SPC25: variants seen among roughly 807,000 people sequenced by gnomAD.
SPC25 encodes the protein SPC25 component of NDC80 kinetochore complex, also known as kinetochore protein Spc25.
In SPC25, 22 loss-of-function variants were observed where a neutral mutation model predicts 29.6. That is an observed-to-expected ratio of 0.74 (90% CI 0.53 to 1.06). SPC25 has a LOEUF of 1.06. Ranked by LOEUF, SPC25 falls within the 50% of genes least tolerant of loss-of-function variation. The probability of loss-of-function intolerance (pLI) is 0.00; values close to 1 mark genes in which losing one functional copy is unlikely to be tolerated. For synonymous variants in SPC25, 91 were observed against 90.4 expected, an observed-to-expected ratio of 1.01 and a Z score of -0.04; for missense variants, 230 against 255.8, an observed-to-expected ratio of 0.90 and a Z score of 0.69.
At chr2:168,866,319 C>G (rs1161086224), downstream of SPC25, among the ~76,000 whole-genome samples, 7 of 152,404 alleles carry the variant, frequency 4.6e-5, no homozygotes, top group East Asian at 1.9e-4. Flanking sequence ...CAGAAATAAT[C>G]CCGCATATCT....
intron 6 of SPC25, among the ~76,000 whole-genome samples, chr2:168,872,329 A>G (rs1449709062): frequency 2.0e-5 from 3 of 152,230 alleles, no homozygotes; most frequent in Non-Finnish European, 4.4e-5. Context: ...AGAAATATCT[A>G]GAATTTTCCA....
rs1178125544 is a variant in SPC25, at chr2:168,876,071, C to A, written c.451+1G>T. 2.0e-6 allele frequency: 3 copies of A among 1,501,708 alleles called. No homozygotes were observed. Among genetic ancestry groups the A allele is most frequent in the Non-Finnish European group, 2.7e-6 (3 of 1,125,368 alleles). 93.0% of individuals were successfully genotyped at this position (1,501,708 alleles called of 1,614,324 possible). A position where few individuals can be genotyped will look rare whatever the true frequency, so the allele number is the denominator to read the frequency against. On this transcript the variant is annotated splice_donor_variant, in intron 5 of 6. Transcript: ENST00000282074. LOFTEE classifies it high-confidence loss of function. ...TATTTTATTTATATTAACAAACTTACCATAAATTTTTCGAATTTCTAGTCC... is the reference window on the plus strand; with the variant it reads ...TATTTTATTTATATTAACAAACTTAACATAAATTTTTCGAATTTCTAGTCC...
At chr2:168,868,748 T>C (rs1043058344), downstream of SPC25, among the ~76,000 whole-genome samples, 14 of 152,254 alleles carry the variant, frequency 9.2e-5, no homozygotes, top group African/African-American at 3.1e-4. Context: ...CAGGACCAGA[T>C]GGATTCACAG....
intron 4 of SPC25, 62 bp from the exon 5 acceptor site, chr2:168,876,238 GTTA>G: frequency 8.6e-7 from 1 of 1,165,810 alleles, no homozygotes; most frequent in South Asian, 1.7e-5. Context: ...TGCTCACTGA[GTTA>G]ATTTTTTAAA....
chr2:168,864,544 C>G (rs1479770664), intron 4 of SPC25, among the ~76,000 whole-genome samples: 1 of 152,208 alleles, frequency 6.6e-6, no homozygotes, highest in African/African-American at 2.4e-5. Context: ...CTTGGCCTCC[C>G]AAAGTGCTGG....
At position 168,871,559 on chromosome 2, in the gene SPC25, G is replaced by GAA; in HGVS notation, c.551-6_551-5dup. The GAA allele has an allele frequency of 6.1e-5, 82 of 1,347,326 alleles. No individual in the cohort carries two copies. The highest frequency in any genetic ancestry group is 1.4e-4 in the South Asian group (9 of 65,112). The allele number at this position is 1,347,326 out of a possible 1,614,324, so 83.5% of individuals were successfully genotyped here. On this transcript the variant is annotated splice_polypyrimidine_tract_variant and splice_region_variant and intron_variant, in intron 6 of 6. Transcript: ENST00000282074. ...AGATGAGGGGCACTATCTGACACTA[G>GAA]AAAAAAAAAAAAAAGAAATCAAAGA...
At chr2:168,877,120 C>G in intron 4 of SPC25, 118 bp downstream of exon 4, 1 of 1,069,944 alleles carries the variant, frequency 9.3e-7, no homozygotes, top group South Asian at 1.7e-5. Flanking sequence ...GCTGGTTATG[C>G]CCTGGGGTAC....
At chr2:168,874,857 C>T (rs191489826) in intron 5 of SPC25, among the ~76,000 whole-genome samples, 42 of 152,260 alleles carry the variant, frequency 2.8e-4, no homozygotes, top group African/African-American at 9.1e-4. Flanking sequence ...TTCCTGTAGA[C>T]TTTGCCCCAC....
At position 168,876,097 on chromosome 2, in the gene SPC25, A is replaced by C; in HGVS notation, c.426T>G (p.Leu142=). 1 of 1,556,502 alleles carries C rather than the reference A, an allele frequency of 6.4e-7. No homozygotes were observed. Among genetic ancestry groups the C allele is most frequent in the Non-Finnish European group, 8.6e-7 (1 of 1,159,102 alleles). The change falls in exon 5 of 7, where the codon CTT becomes CTG. Residue 142 remains leucine (L), a synonymous_variant. Coordinates refer to ENST00000282074, the MANE Select transcript of SPC25 (RefSeq NM_020675.4). ...CATAAATTTTTCGAATTTCTAGTCC[A>C]AGTCGATCTTTATACAAGTCTGCAG... ...QKSADLYKDR[L]GLEIRKIYGE...
chr2:168,872,431 A>C lies in SPC25; in HGVS notation c.551-876T>G, dbSNP rs11896926. Among the ~76,000 whole-genome samples, 1,493 of 152,304 alleles carry C rather than the reference A, an allele frequency of 9.8e-3. 29 individuals carry two copies. Among genetic ancestry groups the C allele is most frequent in the African/African-American group, 0.034 (1,406 of 41,564 alleles). ...TCAAATGAGACTCAAAGTCACGAAT[A>C]ACAGTATTGTCCTTGTATGTAGTTG... On this transcript the variant is annotated intron_variant, in intron 6 of 6. Coordinates refer to ENST00000282074, the MANE Select transcript of SPC25 (RefSeq NM_020675.4).
At chr2:168,878,261 A>C (rs1365990987) in intron 3 of SPC25, among the ~76,000 whole-genome samples, 1 of 152,258 alleles carries the variant, frequency 6.6e-6, no homozygotes, top group East Asian at 1.9e-4. Context: ...ATTAAGTTAC[A>C]TTAAAAATAA....
At chr2:168,862,080 C>T (rs2105797721) in intron 4 of SPC25, 2 of 1,577,834 alleles carry the variant, frequency 1.3e-6, no homozygotes, top group African/African-American at 1.3e-5. Context: ...TTTTAATTGC[C>T]TTCCCATATT....
chr2:168,882,053 T>C (rs1196837678), intron 3 of SPC25, among the ~76,000 whole-genome samples: 1 of 152,232 alleles, frequency 6.6e-6, no homozygotes, highest in Non-Finnish European at 1.5e-5. Flanking sequence ...AAAGCTTGTC[T>C]GAGACACATA....
chr2:168,878,586 AC>A (rs1295552569), intron 3 of SPC25, among the ~76,000 whole-genome samples: 2 of 152,228 alleles, frequency 1.3e-5, no homozygotes, highest in Non-Finnish European at 2.9e-5. Flanking sequence ...TAAGGAAAAA[AC>A]AAGAACTATT....
rs1465338834 is a variant in SPC25 at position 168,871,619 on chromosome 2, T to C, written c.551-64A>G. On this transcript the variant is annotated intron_variant, in intron 6 of 6. Transcript: ENST00000282074. ...TGAGTTTTTTTATGGCACAGAAGTA[T>C]TTCTAATCTAGATGCTCTCATCTGG... 3.5e-6 allele frequency: 5 copies of C among 1,422,392 alleles called. No individual in the cohort carries two copies. In the African/African-American group the frequency reaches 7.3e-5, roughly 21 times the overall value. 88.1% of individuals were successfully genotyped at this position (1,422,392 alleles called of 1,614,324 possible).
Position 168,885,903 on chromosome 2 carries a change from G to A in SPC25, c.199+3323C>T, listed in dbSNP as rs547571372. 1.6e-4 allele frequency among the ~76,000 whole-genome samples: 25 copies of A among 152,212 alleles called. No individual in the cohort carries two copies. The South Asian group carries it at 2.9e-3, about 18-fold the overall frequency. On this transcript the variant is annotated intron_variant, in intron 3 of 6. Coordinates refer to ENST00000282074, the MANE Select transcript of SPC25 (RefSeq NM_020675.4). ...TGTGAGGATTCATGAGTCAATATATGCAAAGAGCTTAGAACAGGGCTTAGC... is the reference window on the plus strand; with the variant it reads ...TGTGAGGATTCATGAGTCAATATATACAAAGAGCTTAGAACAGGGCTTAGC...
intron 5 of SPC25, among the ~76,000 whole-genome samples, chr2:168,874,867 C>T (rs1034316133): frequency 1.3e-5 from 2 of 152,200 alleles, no homozygotes; most frequent in South Asian, 2.1e-4. Context: ...CTTTGCCCCA[C>T]GTGCTATTGT....
downstream of SPC25, among the ~76,000 whole-genome samples, chr2:168,867,661 G>T (rs1398241074): frequency 6.6e-6 from 1 of 152,216 alleles, no homozygotes; most frequent in Non-Finnish European, 1.5e-5. Context: ...AATGGTAAAG[G>T]GATCAATTCA....
chr2:168,864,993 C>A (rs771551042), intron 4 of SPC25: 1 of 1,612,438 alleles, frequency 6.2e-7, no homozygotes, highest in East Asian at 2.2e-5. Flanking sequence ...AACATACTAC[C>A]TTCACACTCG....
Sources: gnomAD v4.1 joint callset for allele counts (sites outside exome capture counted in the v4.1 genomes callset) on GRCh38, gnomAD v4.1.1 for gene constraint, MANE v1.5 for transcripts, NCBI Gene and HGNC (gene_info 2026-07-23, HGNC 2026-07-21) for gene names.